Variants in NDFIP1 observed in about 807,000 individuals in gnomAD.
NDFIP1 encodes the protein Nedd4 family interacting protein 1, also known as NEDD4 family-interacting protein 1.
NDFIP1 carries 7 observed loss-of-function variants against 28.8 expected under a neutral mutation model. The observed-to-expected ratio is 0.24, with a 90% confidence interval of 0.14 to 0.46. The LOEUF (loss-of-function observed/expected upper bound fraction) is 0.46, where lower values mean the gene tolerates loss of function less well. Ranked by LOEUF, NDFIP1 falls within the 20% of genes least tolerant of loss-of-function variation. The pLI is 0.99. For missense variants in NDFIP1, 194 were observed against 269.1 expected (o/e 0.72, Z 1.95); for synonymous variants, 92 against 101.0 (o/e 0.91, Z 0.53).
At chr5:142,133,984 C>T (rs1351985283) in intron 3 of NDFIP1, 1 of 152,206 alleles carries the variant, frequency 6.6e-6, no homozygotes, top group Non-Finnish European at 1.5e-5. Context: ...GAAAAAGGCA[C>T]AGAAAGCAGG....
rs10067072 is a variant in NDFIP1 at position 142,126,748 on chromosome 5, G to A, written c.64-5060G>A. On this transcript the variant is annotated intron_variant, in intron 1 of 7. Coordinates refer to ENST00000253814, the MANE Select transcript of NDFIP1 (RefSeq NM_030571.4). Reference sequence around the variant, plus strand: ...TAATCCTAGCCCCAGCTCTGCTATTGCTTAAAAACAACTCATTTTAGAACT... The same window carrying A: ...TAATCCTAGCCCCAGCTCTGCTATTACTTAAAAACAACTCATTTTAGAACT... Among the ~76,000 whole-genome samples the A allele has an allele frequency of 9.9e-3, 1,500 of 152,200 alleles. 24 individuals carry two copies. Among genetic ancestry groups the A allele is most frequent in the African/African-American group, 0.035 (1,433 of 41,518 alleles).
chr5:142,109,178 C>T (rs1756985350), intron 1 of NDFIP1, 141 bp downstream of exon 1: 9 of 722,852 alleles, frequency 1.2e-5, no homozygotes, highest in Non-Finnish European at 1.7e-5. Context: ...AGGGGCGGGT[C>T]GGGCCCCGGG....
intron 3 of NDFIP1, among the ~76,000 whole-genome samples, chr5:142,134,946 A>G (rs559243800): frequency 6.6e-6 from 1 of 151,746 alleles, no homozygotes; most frequent in Non-Finnish European, 1.5e-5. Flanking sequence ...TTTTTCCCCT[A>G]TATCAGCCTC....
rs369492431 is a variant in NDFIP1, at chr5:142,132,380, G to T, written c.282+38G>T. On this transcript the variant is annotated intron_variant, in intron 3 of 7. Transcript: ENST00000253814. ...TGCCATGTTACTTGATGGCTGCTCTGTGGGAATTAAGTTATTTTCATTATC... is the reference window on the plus strand; with the variant it reads ...TGCCATGTTACTTGATGGCTGCTCTTTGGGAATTAAGTTATTTTCATTATC... 6 of 1,590,550 alleles carry T rather than the reference G, an allele frequency of 3.8e-6. No individual in the cohort carries two copies. In the African/African-American group the frequency reaches 8.1e-5, roughly 22 times the overall value.
At chr5:142,137,908 A>C (rs745645078) in intron 5 of NDFIP1, 50 bp downstream of exon 5, 2 of 1,515,992 alleles carry the variant, frequency 1.3e-6, no homozygotes, top group South Asian at 2.6e-5. Context: ...CAATAATCAG[A>C]ATATTTTTGA....
Position 142,113,198 on chromosome 5 carries a change from A to G in NDFIP1, c.63+4161A>G, listed in dbSNP as rs574891043. Reference sequence around the variant, plus strand: ...GTGAGCATCACCAATACTCTGTATGATAGTTTGATGACATTATAGTGCAGA... The same window carrying G: ...GTGAGCATCACCAATACTCTGTATGGTAGTTTGATGACATTATAGTGCAGA... On this transcript the variant is annotated intron_variant, in intron 1 of 7. Coordinates refer to ENST00000253814, the MANE Select transcript of NDFIP1 (RefSeq NM_030571.4). 2.0e-5 allele frequency among the ~76,000 whole-genome samples: 3 copies of G among 152,324 alleles called. No homozygotes were observed. In the East Asian group the frequency reaches 5.8e-4, roughly 29 times the overall value.
chr5:142,109,254 G>A (rs1253527114), intron 1 of NDFIP1, among the ~76,000 whole-genome samples: 5 of 152,202 alleles, frequency 3.3e-5, no homozygotes, highest in African/African-American at 4.8e-5. Context: ...CTCCGGCGGT[G>A]GAAAGTCCTC....
chr5:142,116,352 T>TTC (rs59802611), intron 1 of NDFIP1, among the ~76,000 whole-genome samples: 24 of 116,390 alleles, frequency 2.1e-4, no homozygotes, highest in Non-Finnish European at 3.5e-4. Flanking sequence ...CCTTCCTTCT[T>TTC]TCTCTCTCTC....
Position 142,131,664 on chromosome 5 carries a change from C to T in NDFIP1, c.64-144C>T, listed in dbSNP as rs1757228804. 3 of 564,962 alleles carry T rather than the reference C, an allele frequency of 5.3e-6. No homozygotes were observed. The East Asian group carries it at 9.6e-5, about 18-fold the overall frequency. The allele number at this position is 564,962 out of a possible 1,614,324, so 35.0% of individuals were successfully genotyped here. A position where few individuals can be genotyped will look rare whatever the true frequency, so the allele number is the denominator to read the frequency against. On this transcript the variant is annotated intron_variant, in intron 1 of 7. Coordinates refer to ENST00000253814, the MANE Select transcript of NDFIP1 (RefSeq NM_030571.4). ...AGAATAACTTCCTGGGAGTAGAATA[C>T]TTTTCTTAAAGGATTTGTGCATTTC...
chr5:142,112,211 C>A (rs766658698), intron 1 of NDFIP1, among the ~76,000 whole-genome samples: 1 of 151,748 alleles, frequency 6.6e-6, no homozygotes, highest in Non-Finnish European at 1.5e-5. Flanking sequence ...CATGTGAAAC[C>A]CCATCTCTAT....
chr5:142,143,462 G>A (rs1290132504), intron 6 of NDFIP1: 2 of 152,102 alleles, frequency 1.3e-5, no homozygotes, highest in Non-Finnish European at 2.9e-5. Context: ...ACAGCTCTTG[G>A]TTACTGCTAA....
rs924737689 is a variant in NDFIP1, at chr5:142,108,881, T to C, written c.-94T>C. 11 of 1,129,014 alleles carry C rather than the reference T, an allele frequency of 9.7e-6. No homozygotes were observed. The highest frequency in any genetic ancestry group is 3.3e-5 in the East Asian group (1 of 30,656). 69.9% of individuals were successfully genotyped at this position (1,129,014 alleles called of 1,614,324 possible). A position where few individuals can be genotyped will look rare whatever the true frequency, so the allele number is the denominator to read the frequency against. ...GCCATCGAGACCCACCCAAGGCGCG[T>C]CCCCCTCGGCCTCCCAGCGCTCCCA... On this transcript the variant is annotated 5_prime_UTR_variant, in exon 1 of 8. Coordinates refer to ENST00000253814, the MANE Select transcript of NDFIP1 (RefSeq NM_030571.4).
chr5:142,112,553 G>T (rs1386718193), intron 1 of NDFIP1, among the ~76,000 whole-genome samples: 1 of 134,692 alleles, frequency 7.4e-6, no homozygotes, highest in Non-Finnish European at 1.6e-5. Flanking sequence ...AAAAAAAAAG[G>T]CACCGAGGTG....
At chr5:142,131,293 GAC>G (rs2126917516) in intron 1 of NDFIP1, among the ~76,000 whole-genome samples, 1 of 147,642 alleles carries the variant, frequency 6.8e-6, no homozygotes, top group South Asian at 2.2e-4. Context: ...TATTTTTTTT[GAC>G]ACAGAGTTTC....
rs1561601766 is a variant in NDFIP1 at position 142,132,245 on chromosome 5, C to T, written c.185C>T (p.Pro62Leu). 1 of 1,613,894 alleles carries T rather than the reference C, an allele frequency of 6.2e-7. No individual in the cohort carries two copies. Among genetic ancestry groups the T allele is most frequent in the Non-Finnish European group, 8.5e-7 (1 of 1,179,966 alleles). The change falls in exon 3 of 8, where the codon CCA becomes CTA. Residue 62 changes from proline (P) to leucine (L), a missense_variant. Transcript: ENST00000253814. ...GACTACAAGGATGAGTCTGGGTTTC[C>T]AAAGCCCCCATCTTACAATGTAGCT... The part of the protein sequence containing the change: ...YFDYKDESGF[P>L]KPPSYNVATT...
At chr5:142,110,522 A>T (rs2126908019) in intron 1 of NDFIP1, among the ~76,000 whole-genome samples, 2 of 152,214 alleles carry the variant, frequency 1.3e-5, no homozygotes, top group East Asian at 3.8e-4. Flanking sequence ...ATACTGCTAG[A>T]ATATAAAAAA....
At chr5:142,109,995 A>G (rs1220335076) in intron 1 of NDFIP1, among the ~76,000 whole-genome samples, 1 of 152,222 alleles carries the variant, frequency 6.6e-6, no homozygotes, top group East Asian at 1.9e-4. Context: ...TACAGATGTC[A>G]ATCCTCCTTT....
chr5:142,129,353 G>T lies in NDFIP1; in HGVS notation c.64-2455G>T, dbSNP rs189448501. 1.8e-4 allele frequency among the ~76,000 whole-genome samples: 27 copies of T among 152,268 alleles called. No individual in the cohort carries two copies. The East Asian group carries it at 4.6e-3, about 26-fold the overall frequency. Reference sequence around the variant, plus strand: ...CTATTTAAGTAATTCCTAGTTCGGTGTCCCAGGAGCATTTGGCTTTACTGC... The same window carrying T: ...CTATTTAAGTAATTCCTAGTTCGGTTTCCCAGGAGCATTTGGCTTTACTGC... On this transcript the variant is annotated intron_variant, in intron 1 of 7. Transcript: ENST00000253814.
At chr5:142,147,388 A>G (rs1757399759) in intron 7 of NDFIP1, among the ~76,000 whole-genome samples, 1 of 152,210 alleles carries the variant, frequency 6.6e-6, no homozygotes, top group Non-Finnish European at 1.5e-5. Flanking sequence ...TAGAAGACAT[A>G]CTAGAAAACC....
Sources: gnomAD v4.1 joint callset for allele counts (sites outside exome capture counted in the v4.1 genomes callset) on GRCh38, gnomAD v4.1.1 for gene constraint, MANE v1.5 for transcripts, NCBI Gene and HGNC (gene_info 2026-07-23, HGNC 2026-07-21) for gene names.